Variants in PLD1 observed in about 807,000 individuals in gnomAD.
PLD1 encodes the protein choline phosphatase 1.
Under a neutral mutation model 137.1 loss-of-function variants are expected in PLD1, and 112 were observed. The ratio of observed to expected loss-of-function variants is 0.82; its 90% CI spans 0.70 to 0.96. The LOEUF (loss-of-function observed/expected upper bound fraction) is 0.96. Ranked by LOEUF, PLD1 falls within the 40% of genes least tolerant of loss-of-function variation. PLD1 has a pLI of 0.00. For missense variants in PLD1, 1,321 were observed against 1,342.0 expected (o/e 0.98, Z 0.24); for synonymous variants, 431 against 454.7 (o/e 0.95, Z 0.66).
intron 8 of PLD1, among the ~76,000 whole-genome samples, chr3:171,721,200 A>G (rs964993385): frequency 2.6e-5 from 4 of 152,332 alleles, no homozygotes; most frequent in Non-Finnish European, 4.4e-5. Context: ...CCATTCCTTG[A>G]GTAGACGCCT....
At position 171,738,087 on chromosome 3, in the gene PLD1, G is replaced by T. The variant is rs1320212741; in HGVS notation, c.-31-5C>A. 1.3e-6 allele frequency: 2 copies of T among 1,546,010 alleles called. No individual in the cohort carries two copies. ...GACAGAGTAAAAGCAAAGGGGCTAG[G>T]AAAGAAGAAAACGGTTACAAAGACT... On this transcript the variant is annotated splice_polypyrimidine_tract_variant and splice_region_variant and intron_variant, in intron 1 of 26. Coordinates refer to ENST00000351298, the MANE Select transcript of PLD1 (RefSeq NM_002662.5).
intron 1 of PLD1, among the ~76,000 whole-genome samples, chr3:171,777,344 C>T (rs546043784): frequency 1.3e-5 from 2 of 152,310 alleles, no homozygotes; most frequent in African/African-American, 4.8e-5. Flanking sequence ...ACACAGCACA[C>T]CCATCCGCTG....
chr3:171,719,221 C>CA (rs888910766), intron 8 of PLD1, among the ~76,000 whole-genome samples: 5 of 151,764 alleles, frequency 3.3e-5, no homozygotes, highest in South Asian at 2.1e-4. Context: ...CTACTGGATT[C>CA]AAAAAAAAGC....
intron 1 of PLD1, among the ~76,000 whole-genome samples, chr3:171,761,982 G>A (rs1309136388): frequency 6.6e-6 from 1 of 152,108 alleles, no homozygotes; most frequent in East Asian, 1.9e-4. Flanking sequence ...CGTAACTTTG[G>A]ACTCTATCTT....
At chr3:171,802,300 G>A (rs979748195) in intron 1 of PLD1, among the ~76,000 whole-genome samples, 1 of 152,194 alleles carries the variant, frequency 6.6e-6, no homozygotes, top group Admixed American at 6.5e-5. Flanking sequence ...TCAGATAGTG[G>A]TGAATCCTAG....
intron 23 of PLD1, among the ~76,000 whole-genome samples, chr3:171,632,519 C>A (rs1295249033): frequency 6.6e-6 from 1 of 151,806 alleles, no homozygotes; most frequent in East Asian, 1.9e-4. Flanking sequence ...TCCTTGTTTT[C>A]TCAGAAACCA....
intron 5 of PLD1, 49 bp downstream of exon 5, chr3:171,734,816 C>A: frequency 8.8e-7 from 1 of 1,131,192 alleles, no homozygotes; most frequent in Admixed American, 1.7e-5. Context: ...TGTGTTTCTA[C>A]AGCACTGCAA....
intron 9 of PLD1, among the ~76,000 whole-genome samples, chr3:171,712,465 G>C (rs143265074): frequency 1.3e-5 from 2 of 152,170 alleles, no homozygotes; most frequent in African/African-American, 4.8e-5. Flanking sequence ...TCAGTATCAA[G>C]GGGGAAAACA....
At chr3:171,626,207 A>T (rs1165872032) in intron 23 of PLD1, among the ~76,000 whole-genome samples, 1 of 152,266 alleles carries the variant, frequency 6.6e-6, no homozygotes, top group Non-Finnish European at 1.5e-5. Flanking sequence ...TGAAGAACGC[A>T]GAAGCCTCAA....
intron 15 of PLD1, 151 bp downstream of exon 15, chr3:171,687,220 C>A: frequency 1.6e-6 from 1 of 644,284 alleles, no homozygotes; most frequent in Non-Finnish European, 2.7e-6. Context: ...CACCAAATGG[C>A]ATGAGGTTGA....
chr3:171,659,213 C>T lies in PLD1; in HGVS notation c.2429G>A (p.Arg810Lys). 1.2e-6 allele frequency: 2 copies of T among 1,602,552 alleles called. No homozygotes were observed. Among genetic ancestry groups the T allele is most frequent in the Non-Finnish European group, 1.7e-6 (2 of 1,169,380 alleles). ...AIAQRILKAH[R>K]ENQKYRVYVV... is the part of the protein sequence containing the mutation. Reference sequence around the variant, plus strand: ...AGAACTCTCAGCCAAAGGCTGTTACCTGTGAGCTTTCAGGATCCTCTGGGC... The same window carrying T: ...AGAACTCTCAGCCAAAGGCTGTTACTTGTGAGCTTTCAGGATCCTCTGGGC... Residue 810 changes from arginine to lysine, a missense_variant and splice_region_variant, in exon 21 of 27, where the codon AGG (arginine) becomes AAG (lysine). By Grantham distance (26) the Arg-to-Lys change is conservative. Coordinates refer to ENST00000351298, the MANE Select transcript of PLD1 (RefSeq NM_002662.5).
rs116421149 is a variant in PLD1 at position 171,801,857 on chromosome 3, C to T, written c.-32+8542G>A. Among the ~76,000 whole-genome samples the T allele has an allele frequency of 4.7e-3, 720 of 152,318 alleles. 4 individuals carry two copies. Among genetic ancestry groups the T allele is most frequent in the African/African-American group, 9.1e-3 (377 of 41,570 alleles). Reference sequence around the variant, plus strand: ...CCCCAAATCAGTCTCATTTATGTTACGATACTTTCATGTTTAATCGATCCA... The same window carrying T: ...CCCCAAATCAGTCTCATTTATGTTATGATACTTTCATGTTTAATCGATCCA... On this transcript the variant is annotated intron_variant, in intron 1 of 26. Transcript: ENST00000351298.
At chr3:171,734,813 C>A (rs1719225646) in intron 5 of PLD1, 52 bp downstream of exon 5, 3 of 1,088,602 alleles carry the variant, frequency 2.8e-6, no homozygotes, top group Non-Finnish European at 4.2e-6. Flanking sequence ...TGCTGTGTTT[C>A]TACAGCACTG....
At chr3:171,705,543 A>G (rs779756049) in intron 11 of PLD1, among the ~76,000 whole-genome samples, 1 of 152,150 alleles carries the variant, frequency 6.6e-6, no homozygotes, top group Non-Finnish European at 1.5e-5. Flanking sequence ...GACTAACACA[A>G]TCTCCCTCTC....
chr3:171,658,355 T>C (rs558516405), intron 21 of PLD1, among the ~76,000 whole-genome samples: 1 of 152,296 alleles, frequency 6.6e-6, no homozygotes, highest in African/African-American at 2.4e-5. Flanking sequence ...TAGTAAAGGA[T>C]GTTTATAGCA....
intron 23 of PLD1, among the ~76,000 whole-genome samples, chr3:171,625,686 C>T (rs560862723): frequency 1.3e-4 from 20 of 152,296 alleles, no homozygotes; most frequent in African/African-American, 4.3e-4. Flanking sequence ...GCAGTATTCG[C>T]GGTTCACAAA....
chr3:171,782,529 T>G (rs984098867), intron 1 of PLD1, among the ~76,000 whole-genome samples: 1 of 152,174 alleles, frequency 6.6e-6, no homozygotes, highest in Non-Finnish European at 1.5e-5. Context: ...TAAATTGAAT[T>G]GATGAAAGGA....
rs372973094 is a variant in PLD1 at position 171,737,629 on chromosome 3, G to C, written c.191C>G (p.Thr64Ser). The C allele has an allele frequency of 5.1e-5, 81 of 1,581,986 alleles. No individual in the cohort carries two copies. Among genetic ancestry groups the C allele is most frequent in the Non-Finnish European group, 6.9e-5 (79 of 1,153,044 alleles). ...VYIPFSAIYN[T>S]QGFKEPNIQT... ...TATATTAGGCTCCTTAAATCCTTGA[G>C]TGTTATAAATAGCAGAGAAAGGGAT... is the stretch of plus-strand genomic sequence containing the variant. The change falls in exon 3 of 27, where the codon ACT (threonine) becomes AGT (serine). Residue 64 changes from threonine to serine, a missense_variant. By Grantham distance (58) the Thr-to-Ser change is moderately conservative. Transcript: ENST00000351298.
intron 23 of PLD1, among the ~76,000 whole-genome samples, chr3:171,633,165 G>A (rs545171789): frequency 6.6e-6 from 1 of 152,030 alleles, no homozygotes; most frequent in East Asian, 1.9e-4. Context: ...ACGGAAAGAA[G>A]AAAAAACAAA....
Sources: allele counts gnomAD v4.1 joint callset (sites outside exome capture counted in the v4.1 genomes callset), GRCh38; gene constraint gnomAD v4.1.1; transcripts MANE v1.5; gene names NCBI Gene and HGNC (gene_info 2026-07-23, HGNC 2026-07-21).